CDK12: variants seen among roughly 807,000 people sequenced by gnomAD.
The protein encoded by CDK12 is cyclin dependent kinase 12, also known as cyclin-dependent kinase 12.
CDK12 carries 17 observed loss-of-function variants against 133.8 expected under a neutral mutation model. The observed-to-expected ratio is 0.13, with a 90% CI of 0.09 to 0.19. The LOEUF (loss-of-function observed/expected upper bound fraction) is 0.19. CDK12 is among the 10% of genes least tolerant of loss of function. CDK12 has a pLI of 1.00. For synonymous variants in CDK12, 694 were observed against 683.6 expected, an observed-to-expected ratio of 1.02 and a Z score of -0.24; for missense variants, 1,508 against 1,818.7, an observed-to-expected ratio of 0.83 and a Z score of 3.11.
chr17:39,480,746 A>G (rs958434140), intron 2 of CDK12, among the ~76,000 whole-genome samples: 5 of 152,142 alleles, frequency 3.3e-5, no homozygotes, highest in East Asian at 1.9e-4. Flanking sequence ...TCTTTCAAAC[A>G]TGTATTTTGA....
At chr17:39,463,413 A>G (rs982030404) in intron 1 of CDK12, among the ~76,000 whole-genome samples, 24 of 152,148 alleles carry the variant, frequency 1.6e-4, no homozygotes, top group Admixed American at 1.0e-3. Flanking sequence ...TGGAGTTGAT[A>G]CTAGTTCCCA....
chr17:39,515,874 C>T (rs1598134893), intron 9 of CDK12, 66 bp downstream of exon 9: 1 of 1,016,622 alleles, frequency 9.8e-7, no homozygotes, highest in Admixed American at 2.1e-5. Flanking sequence ...CAGTTTCTAA[C>T]ACTTTCTAGT....
intron 5 of CDK12, among the ~76,000 whole-genome samples, chr17:39,499,697 A>G (rs1459094070): frequency 1.3e-5 from 2 of 150,550 alleles, no homozygotes; most frequent in Admixed American, 6.7e-5. Context: ...TTTTTTTAGT[A>G]GAGATGGGGT....
chr17:39,563,283 G>A (rs1361491410), intron 3 of CDK12, among the ~76,000 whole-genome samples: 1 of 152,078 alleles, frequency 6.6e-6, no homozygotes, highest in African/African-American at 2.4e-5. Context: ...GCGAGGCAGG[G>A]TAGGGAGTGG....
chr17:39,526,290 C>G lies in CDK12; in HGVS notation c.3734C>G (p.Pro1245Arg), dbSNP rs758668404. 15 of 1,597,256 alleles carry G rather than the reference C, an allele frequency of 9.4e-6. No homozygotes were observed. The South Asian group carries it at 1.0e-4, about 11-fold the overall frequency. ...GGGCCACAGGGGCCCCGAAGAACTCCCACAATGCCACAGGAGGAGGCAGCA... is the reference window on the plus strand; with the variant it reads ...GGGCCACAGGGGCCCCGAAGAACTCGCACAATGCCACAGGAGGAGGCAGCA... ...NSGPQGPRRT[P>R]TMPQEEAAAC... The change falls in exon 13 of 14, where the codon CCC becomes CGC. Residue 1245 changes from proline to arginine, a missense_variant. This residue lies in a region of CDK12 where 399 missense variants were observed against 469.6 expected (regional missense o/e 0.85). Transcript: ENST00000447079.
intron 1 of CDK12, among the ~76,000 whole-genome samples, chr17:39,465,090 T>G (rs901552739): frequency 2.6e-5 from 4 of 151,662 alleles, no homozygotes; most frequent in Admixed American, 2.6e-4. Context: ...TATAAAAATA[T>G]AAAAAATTAG....
chr17:39,539,148 A>G (rs185726751), downstream of CDK12, among the ~76,000 whole-genome samples: 26 of 152,156 alleles, frequency 1.7e-4, no homozygotes, highest in African/African-American at 5.1e-4. Flanking sequence ...ACCTTCCAAA[A>G]CATGTTGATA....
chr17:39,498,873 C>CTTTTTTTTT (rs1451805838), intron 5 of CDK12, among the ~76,000 whole-genome samples: 1 of 2,896 alleles, frequency 3.5e-4, no homozygotes. Flanking sequence ...CTATGATTTT[C>CTTTTTTTTT]TCTTTCTTTC....
intron 2 of CDK12, among the ~76,000 whole-genome samples, chr17:39,481,860 A>G (rs1297537514): frequency 1.3e-5 from 2 of 150,982 alleles, no homozygotes; most frequent in Non-Finnish European, 2.9e-5. Context: ...AGCTGGGATT[A>G]CAGGCAAGCG....
chr17:39,533,470 T>G lies in CDK12; in HGVS notation c.*2154T>G, dbSNP rs2054983458. 1 of 233,018 alleles carries G rather than the reference T, an allele frequency of 4.3e-6. No individual in the cohort carries two copies. The highest frequency in any genetic ancestry group is 1.8e-4 in the South Asian group (1 of 5,520). 14.4% of individuals were successfully genotyped at this position (233,018 alleles called of 1,614,324 possible). A position where few individuals can be genotyped will look rare whatever the true frequency, so the allele number is the denominator to read the frequency against. On this transcript the variant is annotated 3_prime_UTR_variant, in exon 14 of 14. Coordinates refer to ENST00000447079, the MANE Select transcript of CDK12 (RefSeq NM_016507.4). ...TTTATTAAAGAACGTGAGCCTGGGA[T>G]ACTTTCAGAAGTATCTGTTCAATGA...
At chr17:39,538,758 C>T (rs55824754), downstream of CDK12, among the ~76,000 whole-genome samples, 489 of 152,230 alleles carry the variant, frequency 3.2e-3, 5 homozygotes, top group African/African-American at 0.011. Flanking sequence ...ATTAGCCAGG[C>T]GTGGTGGCAC....
intron 4 of CDK12, among the ~76,000 whole-genome samples, chr17:39,493,410 G>A (rs1309756830): frequency 6.6e-6 from 1 of 151,990 alleles, no homozygotes; most frequent in East Asian, 1.9e-4. Context: ...CTGGGTTCAA[G>A]CGATGCCTCT....
intron 3 of CDK12, chr17:39,557,190 C>T (rs1339785582): frequency 6.6e-6 from 1 of 152,300 alleles, no homozygotes; most frequent in Non-Finnish European, 1.5e-5. Flanking sequence ...GCTGGCTGGA[C>T]TTCTACAGCT....
At chr17:39,510,500 C>T (rs769970424) in intron 7 of CDK12, among the ~76,000 whole-genome samples, 3 of 152,084 alleles carry the variant, frequency 2.0e-5, no homozygotes, top group South Asian at 2.1e-4. Context: ...TATCTGAAAG[C>T]GTTATCACTT....
chr17:39,470,805 T>A, intron 1 of CDK12, 74 bp from the exon 2 acceptor site: 1 of 1,203,896 alleles, frequency 8.3e-7, no homozygotes, highest in Non-Finnish European at 1.2e-6. Context: ...TCTTCATAGT[T>A]TGTTTTATTG....
chr17:39,488,817 G>A (rs1452163203), intron 2 of CDK12, among the ~76,000 whole-genome samples: 1 of 152,010 alleles, frequency 6.6e-6, no homozygotes, highest in Non-Finnish European at 1.5e-5. Flanking sequence ...ATGGCATGGT[G>A]ATGGCTCACT....
intron 13 of CDK12, 45 bp from the exon 14 acceptor site, chr17:39,530,559 A>G: frequency 1.3e-6 from 2 of 1,524,366 alleles, no homozygotes; most frequent in South Asian, 2.6e-5. Context: ...TTATAATCAC[A>G]TGTGCTTTTT....
chr17:39,497,787 T>G (rs2052243789), intron 5 of CDK12, among the ~76,000 whole-genome samples: 2 of 151,940 alleles, frequency 1.3e-5, no homozygotes, highest in Admixed American at 1.3e-4. Context: ...AAATTTTTAG[T>G]AGAAACAGGA....
chr17:39,487,625 T>C (rs1434009254), intron 2 of CDK12, among the ~76,000 whole-genome samples: 1 of 148,032 alleles, frequency 6.8e-6, no homozygotes, highest in Non-Finnish European at 1.5e-5. Context: ...TTTTTTTTTT[T>C]TTTTTTTTTG....
Sources: allele counts gnomAD v4.1 joint callset (sites outside exome capture counted in the v4.1 genomes callset), GRCh38; gene constraint gnomAD v4.1.1; regional missense constraint gnomAD v4.1.1; transcripts MANE v1.5; gene names NCBI Gene and HGNC (gene_info 2026-07-23, HGNC 2026-07-21).